The following CAST variants were observed in gnomAD, a reference collection of about 807,000 sequenced individuals.
CAST encodes the protein MIR583 host.
A neutral mutation model predicts 119.6 loss-of-function variants in CAST; 76 were observed. The ratio of observed to expected loss-of-function variants is 0.64; its 90% CI spans 0.53 to 0.77. CAST has a LOEUF of 0.77. CAST is among the 30% of genes least tolerant of loss of function. The pLI, the probability that CAST is intolerant of heterozygous loss-of-function variation, is 0.00. For missense variants in CAST, 953 were observed against 946.5 expected (o/e 1.01, Z -0.09); for synonymous variants, 319 against 331.6 (o/e 0.96, Z 0.41).
chr5:96,616,729 G>GCT (rs145351553), intron 1 of CAST, among the ~76,000 whole-genome samples: 10,923 of 137,878 alleles, frequency 0.079, 820 homozygotes, highest in African/African-American at 0.19. Flanking sequence ...GCGCTCGCTC[G>GCT]CTCTCTCTCT....
At chr5:96,670,994 A>C (rs1354307035) in intron 1 of CAST, among the ~76,000 whole-genome samples, 1 of 152,160 alleles carries the variant, frequency 6.6e-6, no homozygotes, top group Non-Finnish European at 1.5e-5. Context: ...TTTCAGATTT[A>C]TGGGTTTGCT....
intron 1 of CAST, among the ~76,000 whole-genome samples, chr5:96,533,024 C>CAAAAAAA (rs5869724): frequency 7.7e-6 from 1 of 129,744 alleles, no homozygotes; most frequent in African/African-American, 2.8e-5. Flanking sequence ...GACCTGGTCT[C>CAAAAAAA]AAAAAAAAAA....
chr5:96,259,329 C>G, the CAST span, among the ~76,000 whole-genome samples: 13 of 152,140 alleles, frequency 8.5e-5, no homozygotes, highest in Non-Finnish European at 1.8e-4. Flanking sequence ...TTTGAGATGG[C>G]ACAGGAAGGA....
chr5:96,636,662 G>A (rs1747890160), intron 1 of CAST, among the ~76,000 whole-genome samples: 1 of 152,198 alleles, frequency 6.6e-6, no homozygotes, highest in Admixed American at 6.5e-5. Flanking sequence ...AAATAAAAAT[G>A]TTGAAATTTT....
At chr5:96,718,075 A>G (rs1252086418) in intron 3 of CAST, among the ~76,000 whole-genome samples, 1 of 152,222 alleles carries the variant, frequency 6.6e-6, no homozygotes, top group Non-Finnish European at 1.5e-5. Flanking sequence ...GCACTGAATC[A>G]ACAGGTGAGT....
chr5:96,729,857 GTAT>G (rs1173305512), intron 8 of CAST, 132 bp downstream of exon 8: 1 of 601,896 alleles, frequency 1.7e-6, no homozygotes, highest in Non-Finnish European at 3.0e-6. Context: ...TAGTGATTTG[GTAT>G]TATTATTTTG....
At chr5:96,593,430 T>C (rs261221) in intron 1 of CAST, among the ~76,000 whole-genome samples, 63,951 of 152,050 alleles carry the variant, frequency 0.42, 13,724 homozygotes, top group Admixed American at 0.48. Flanking sequence ...TTGAGCCTTG[T>C]ACTCTGAAGG....
the CAST span, among the ~76,000 whole-genome samples, chr5:96,214,433 A>C: frequency 6.6e-6 from 1 of 152,222 alleles, no homozygotes; most frequent in Non-Finnish European, 1.5e-5. Flanking sequence ...GTATTACCTT[A>C]TTATTGTTAC....
At chr5:96,059,652 G>C in the CAST span, among the ~76,000 whole-genome samples, 1 of 152,094 alleles carries the variant, frequency 6.6e-6, no homozygotes, top group Non-Finnish European at 1.5e-5. Context: ...CCTGGCTCAG[G>C]TCTGGCTCAT....
intron 1 of CAST, among the ~76,000 whole-genome samples, chr5:96,534,957 G>A (rs1260682466): frequency 3.3e-5 from 5 of 151,730 alleles, no homozygotes. Context: ...GGGAAAGAAA[G>A]AAAGAAAAAG....
intron 3 of CAST, among the ~76,000 whole-genome samples, chr5:96,719,251 A>G (rs1192879701): frequency 6.6e-6 from 1 of 152,086 alleles, no homozygotes; most frequent in Non-Finnish European, 1.5e-5. Flanking sequence ...CCAGTCTCAC[A>G]AGACAGTTAA....
chr5:96,686,012 C>G (rs1355807436), intron 2 of CAST, among the ~76,000 whole-genome samples: 1 of 152,004 alleles, frequency 6.6e-6, no homozygotes, highest in East Asian at 1.9e-4. Flanking sequence ...GACCAACTCA[C>G]TCTGCCATAT....
the CAST span, among the ~76,000 whole-genome samples, chr5:96,131,022 C>A: frequency 6.6e-6 from 1 of 152,084 alleles, no homozygotes; most frequent in East Asian, 1.9e-4. Context: ...TGTAGTTTCC[C>A]AATCTATCCT....
At position 96,742,636 on chromosome 5, in the gene CAST, G is replaced by T. The variant is rs750370423; in HGVS notation, c.1099-19G>T. 37 of 1,536,514 alleles carry T rather than the reference G, an allele frequency of 2.4e-5. No individual in the cohort carries two copies. The East Asian group carries it at 8.1e-4, about 34-fold the overall frequency. On this transcript the variant is annotated intron_variant, in intron 15 of 31. Transcript: ENST00000675179. The stretch of plus-strand genomic sequence containing the variant: ...CAGAGATGTCTTTTTTCATGCACAG[G>T]ATTTTTTACTTTTAACAGGATACAA...
chr5:96,614,928 G>A (rs1457676958), intron 1 of CAST, among the ~76,000 whole-genome samples: 4 of 152,164 alleles, frequency 2.6e-5, no homozygotes, highest in Admixed American at 6.5e-5. Context: ...GGCCCTCAGC[G>A]CTGCCTTGAG....
the CAST span, among the ~76,000 whole-genome samples, chr5:96,226,975 A>T: frequency 2.0e-5 from 3 of 152,194 alleles, no homozygotes; most frequent in Admixed American, 6.5e-5. Context: ...CTGAGTGTCC[A>T]CGGTTTCTAG....
chr5:96,375,434 G>C, the CAST span, among the ~76,000 whole-genome samples: 3 of 129,508 alleles, frequency 2.3e-5, no homozygotes, highest in Non-Finnish European at 5.2e-5. Context: ...GTGTGTGTGT[G>C]TGTTTTTTTT....
the CAST span, among the ~76,000 whole-genome samples, chr5:96,128,070 A>G: frequency 6.6e-6 from 1 of 152,096 alleles, no homozygotes; most frequent in African/African-American, 2.4e-5. Flanking sequence ...AATTAAAATA[A>G]ATTATTTTAA....
In CAST at chr5:96,754,197, T is replaced by G. The variant is rs142151734; in HGVS notation, c.1626+36T>G. On this transcript the variant is annotated intron_variant, in intron 21 of 31. Coordinates refer to ENST00000675179, the MANE Select transcript of CAST (RefSeq NM_001750.7). ...CTGAGATGCTTCTGGAAAATAAATA[T>G]CATTGATCACCTTCTCCCCCTGCAA... The G allele has an allele frequency of 3.8e-3, 4,514 of 1,199,322 alleles. 57 individuals are homozygous for G. Among genetic ancestry groups the G allele is most frequent in the South Asian group, 8.3e-3 (683 of 82,604 alleles). The allele number at this position is 1,199,322 out of a possible 1,614,324, so 74.3% of individuals were successfully genotyped here.
Sources: gnomAD v4.1 joint callset for allele counts (sites outside exome capture counted in the v4.1 genomes callset) on GRCh38, gnomAD v4.1.1 for gene constraint, MANE v1.5 for transcripts, NCBI Gene and HGNC (gene_info 2026-07-23, HGNC 2026-07-21) for gene names.